Variants in LHFPL3 observed in about 807,000 individuals in gnomAD.
LHFPL3 encodes the protein LHFPL tetraspan subfamily member 3.
A neutral mutation model predicts 19.3 loss-of-function variants in LHFPL3; 5 were observed. That is an observed-to-expected ratio of 0.26 (90% CI 0.14 to 0.54). The LOEUF (loss-of-function observed/expected upper bound fraction) is 0.54. Among genes scored for constraint, LHFPL3 ranks in the 20% least tolerant of loss-of-function variants. The probability of loss-of-function intolerance (pLI) is 0.94; values close to 1 mark genes in which losing one functional copy is unlikely to be tolerated. For missense variants in LHFPL3, 249 were observed against 307.4 expected (o/e 0.81, Z 1.42); for synonymous variants, 133 against 126.2 (o/e 1.05, Z -0.36).
chr7:104,525,595 T>C (rs139244046), intron 1 of LHFPL3, among the ~76,000 whole-genome samples: 33 of 143,678 alleles, frequency 2.3e-4, no homozygotes, highest in African/African-American at 8.5e-4. Flanking sequence ...CTTGGTTTTT[T>C]TGTTTTTTGG....
chr7:104,821,353 G>T (rs1027010049), intron 2 of LHFPL3, among the ~76,000 whole-genome samples: 2 of 152,236 alleles, frequency 1.3e-5, no homozygotes, highest in East Asian at 1.9e-4. Context: ...CTCTGCTGAG[G>T]AGAGGCAAGG....
intron 1 of LHFPL3, among the ~76,000 whole-genome samples, chr7:104,510,062 A>G (rs1793780777): frequency 6.6e-6 from 1 of 152,048 alleles, no homozygotes; most frequent in African/African-American, 2.4e-5. Flanking sequence ...CTGAAAACCA[A>G]ATAATGCTGA....
intron 1 of LHFPL3, among the ~76,000 whole-genome samples, chr7:104,474,275 G>A (rs1792964904): frequency 6.6e-6 from 1 of 152,114 alleles, no homozygotes; most frequent in South Asian, 2.1e-4. Context: ...TACAAAGAAG[G>A]TGTATTTGGG....
At chr7:104,827,811 C>A (rs77530195) in intron 2 of LHFPL3, among the ~76,000 whole-genome samples, 1 of 151,850 alleles carries the variant, frequency 6.6e-6, no homozygotes, top group African/African-American at 2.4e-5. Context: ...CATCTCACCA[C>A]GTGAACTCCT....
At chr7:104,430,405 C>CATTATAT (rs1791953958) in intron 1 of LHFPL3, among the ~76,000 whole-genome samples, 1 of 22,456 alleles carries the variant, frequency 4.5e-5, no homozygotes, top group Admixed American at 7.4e-4. Context: ...TATATATATA[C>CATTATAT]ATATATATAT....
At chr7:104,501,093 A>G (rs1793591161) in intron 1 of LHFPL3, among the ~76,000 whole-genome samples, 1 of 139,674 alleles carries the variant, frequency 7.2e-6, no homozygotes, top group Admixed American at 7.2e-5. Flanking sequence ...TTATCACAAT[A>G]TCTGGCAAAA....
At chr7:104,401,936 T>G (rs1419283372) in intron 1 of LHFPL3, among the ~76,000 whole-genome samples, 1 of 151,936 alleles carries the variant, frequency 6.6e-6, no homozygotes, top group South Asian at 2.1e-4. Flanking sequence ...TGAAGAAAGA[T>G]TAAAGTAGCA....
Position 104,595,030 on chromosome 7 carries a change from C to T in LHFPL3, c.446-141645C>T, listed in dbSNP as rs1394667959. Among the ~76,000 whole-genome samples, 3 of 152,206 alleles carry T rather than the reference C, an allele frequency of 2.0e-5. No homozygotes were observed. In the South Asian group the frequency reaches 6.2e-4, roughly 32 times the overall value. ...GTTTGTTATTACCGACCTTCTGAAG[C>T]CTACTTCTGTCAACTTCTCAAAGTC... On this transcript the variant is annotated intron_variant, in intron 1 of 2. Transcript: ENST00000424859.
intron 1 of LHFPL3, among the ~76,000 whole-genome samples, chr7:104,688,883 G>C (rs1339856173): frequency 6.6e-6 from 1 of 152,146 alleles, no homozygotes; most frequent in Non-Finnish European, 1.5e-5. Context: ...TTAACAGTGT[G>C]GGATAATGGT....
intron 1 of LHFPL3, among the ~76,000 whole-genome samples, chr7:104,574,578 T>A (rs1446992199): frequency 6.6e-6 from 1 of 152,198 alleles, no homozygotes; most frequent in African/African-American, 2.4e-5. Context: ...ACTAGAGAGA[T>A]GTCCTCTAGA....
At chr7:104,738,812 C>T (rs771145475) in intron 2 of LHFPL3, 2 of 152,110 alleles carry the variant, frequency 1.3e-5, no homozygotes, top group Non-Finnish European at 2.9e-5. Flanking sequence ...TTAAACAAAG[C>T]ATCGTGTTCC....
intron 1 of LHFPL3, among the ~76,000 whole-genome samples, chr7:104,562,429 C>A (rs1213110992): frequency 6.6e-6 from 1 of 152,174 alleles, no homozygotes; most frequent in Non-Finnish European, 1.5e-5. Context: ...TCATTTCATT[C>A]ATTTCATCTT....
At chr7:104,430,396 A>ACG (rs1562895087) in intron 1 of LHFPL3, among the ~76,000 whole-genome samples, 8 of 42,602 alleles carry the variant, frequency 1.9e-4, no homozygotes, top group East Asian at 1.5e-3. Flanking sequence ...ATATATATAT[A>ACG]TATATATACA....
At chr7:104,809,800 T>C (rs1188411447) in intron 2 of LHFPL3, among the ~76,000 whole-genome samples, 1 of 152,178 alleles carries the variant, frequency 6.6e-6, no homozygotes, top group Non-Finnish European at 1.5e-5. Flanking sequence ...ATTTAGTCAT[T>C]TAGTTAATGA....
intron 1 of LHFPL3, among the ~76,000 whole-genome samples, chr7:104,717,861 A>G (rs1793419001): frequency 6.6e-6 from 1 of 152,218 alleles, no homozygotes; most frequent in South Asian, 2.1e-4. Context: ...TCCTATGTTC[A>G]GTGCAGCACT....
chr7:104,425,466 T>C (rs569195268), intron 1 of LHFPL3, among the ~76,000 whole-genome samples: 82 of 152,300 alleles, frequency 5.4e-4, no homozygotes, highest in Middle Eastern at 3.4e-3. Context: ...TGCCACCTAG[T>C]ACACATTAGG....
chr7:104,633,028 GT>G (rs1343954269), intron 1 of LHFPL3, among the ~76,000 whole-genome samples: 5 of 152,076 alleles, frequency 3.3e-5, no homozygotes, highest in East Asian at 3.9e-4. Context: ...AGAATACGTG[GT>G]TTTTTTAAGA....
At chr7:104,591,932 C>T (rs112582736) in intron 1 of LHFPL3, among the ~76,000 whole-genome samples, 164 of 152,316 alleles carry the variant, frequency 1.1e-3, no homozygotes, top group African/African-American at 3.9e-3. Flanking sequence ...GTGCATTCAT[C>T]ATGTCATTCT....
intron 1 of LHFPL3, among the ~76,000 whole-genome samples, chr7:104,682,747 G>A (rs1305441967): frequency 6.6e-6 from 1 of 152,152 alleles, no homozygotes; most frequent in Non-Finnish European, 1.5e-5. Context: ...ACACTGTTAG[G>A]ATTTGATCGT....
Sources: gnomAD v4.1 joint callset for allele counts (sites outside exome capture counted in the v4.1 genomes callset) on GRCh38, gnomAD v4.1.1 for gene constraint, MANE v1.5 for transcripts, NCBI Gene and HGNC (gene_info 2026-07-23, HGNC 2026-07-21) for gene names.